KCNAB1: variants seen among roughly 807,000 people sequenced by gnomAD.
KCNAB1 encodes potassium voltage-gated channel subfamily A regulatory beta subunit 1, also known as voltage-gated potassium channel subunit beta-1.
In KCNAB1, 35 loss-of-function variants were observed where a neutral mutation model predicts 64.6. The observed-to-expected ratio is 0.54, with a 90% CI of 0.41 to 0.72. KCNAB1 has a LOEUF of 0.72. KCNAB1 is among the 30% of genes least tolerant of loss of function. The probability of loss-of-function intolerance (pLI) is 0.00; values close to 1 mark genes in which losing one functional copy is unlikely to be tolerated. For missense variants in KCNAB1, 401 were observed against 512.9 expected (o/e 0.78, Z 2.11); for synonymous variants, 177 against 183.8 (o/e 0.96, Z 0.30).
chr3:156,326,184 T>C (rs568731978), intron 1 of KCNAB1, among the ~76,000 whole-genome samples: 1 of 152,186 alleles, frequency 6.6e-6, no homozygotes, highest in South Asian at 2.1e-4. Flanking sequence ...TATTTTTGCC[T>C]TGTTGCATTG....
At chr3:156,329,390 C>A (rs1470292401) in intron 1 of KCNAB1, among the ~76,000 whole-genome samples, 2 of 152,098 alleles carry the variant, frequency 1.3e-5, no homozygotes, top group African/African-American at 4.8e-5. Context: ...GCCTACAATT[C>A]TTCAAGTCCA....
intron 1 of KCNAB1, chr3:156,176,770 CT>C (rs747975092): frequency 9.8e-4 from 876 of 892,564 alleles, no homozygotes; most frequent in Non-Finnish European, 1.5e-3. Context: ...GGAGGTCCTG[CT>C]TGCAGCAAAG....
intron 1 of KCNAB1, among the ~76,000 whole-genome samples, chr3:156,223,609 G>A (rs191066634): frequency 5.3e-4 from 81 of 152,248 alleles, no homozygotes; most frequent in Admixed American, 1.6e-3. Context: ...ACAGAGTGCT[G>A]ATTGGTGTAT....
Position 156,514,289 on chromosome 3 carries a change from G to GA in KCNAB1, c.659-75_659-74insA, listed in dbSNP as rs1559924487. The GA allele has an allele frequency of 2.7e-5, 30 of 1,091,308 alleles. No individual in the cohort carries two copies. In the African/African-American group the frequency reaches 4.5e-4, roughly 16 times the overall value. The allele number at this position is 1,091,308 out of a possible 1,614,324, so 67.6% of individuals were successfully genotyped here. A position where few individuals can be genotyped will look rare whatever the true frequency, so the allele number is the denominator to read the frequency against. ...AATTGCATTAAGCTTCTAAGCTTTG[G>GA]CTAGAGGAGTAAAAATCGCATAACT... On this transcript the variant is annotated intron_variant, in intron 8 of 13. Transcript: ENST00000490337.
chr3:156,432,167 T>C (rs1716262228), intron 2 of KCNAB1, among the ~76,000 whole-genome samples: 1 of 152,188 alleles, frequency 6.6e-6, no homozygotes, highest in South Asian at 2.1e-4. Context: ...CCCCTACTTA[T>C]TTGGCTTATC....
In KCNAB1 at chr3:156,152,978, T is replaced by C. The variant is rs1374362428; in HGVS notation, c.275+32092T>C. Reference sequence around the variant, plus strand: ...TGGCGCACTTATTTGTTTATTTCTGTATTGTCTGTCTCTCTCACTGGAATG... The same window carrying C: ...TGGCGCACTTATTTGTTTATTTCTGCATTGTCTGTCTCTCTCACTGGAATG... On this transcript the variant is annotated intron_variant, in intron 1 of 13. Coordinates refer to ENST00000490337, the MANE Select transcript of KCNAB1 (RefSeq NM_172160.3). 5.3e-5 allele frequency among the ~76,000 whole-genome samples: 8 copies of C among 152,360 alleles called. No individual in the cohort carries two copies. In the East Asian group the frequency reaches 1.5e-3, roughly 29 times the overall value.
intron 1 of KCNAB1, chr3:156,291,302 A>G: frequency 1.0e-6 from 1 of 989,344 alleles, no homozygotes; most frequent in Non-Finnish European, 1.2e-6. Context: ...GTCCTCCCGG[A>G]GCGGAGGCGG....
At chr3:156,432,558 G>A (rs1331524521) in intron 2 of KCNAB1, among the ~76,000 whole-genome samples, 1 of 152,184 alleles carries the variant, frequency 6.6e-6, no homozygotes, top group South Asian at 2.1e-4. Context: ...TATAGGAAAT[G>A]GGTGATGAGG....
intron 1 of KCNAB1, among the ~76,000 whole-genome samples, chr3:156,189,284 ACCTGTT>A (rs1237875717): frequency 6.6e-6 from 1 of 152,184 alleles, no homozygotes; most frequent in Non-Finnish European, 1.5e-5. Flanking sequence ...AGTCCAGCTA[ACCTGTT>A]CCATGATGAG....
intron 1 of KCNAB1, among the ~76,000 whole-genome samples, chr3:156,340,552 C>A (rs1724034137): frequency 6.6e-6 from 1 of 152,182 alleles, no homozygotes; most frequent in Middle Eastern, 3.2e-3. Context: ...GTTTGGGGAC[C>A]ATCACCCATC....
chr3:156,170,211 C>T (rs1052087417), intron 1 of KCNAB1, among the ~76,000 whole-genome samples: 3 of 151,724 alleles, frequency 2.0e-5, no homozygotes, highest in Admixed American at 6.6e-5. Flanking sequence ...GTTTCCCTTC[C>T]CAAGGAATCG....
At chr3:156,410,140 A>T (rs1265005830) in intron 1 of KCNAB1, among the ~76,000 whole-genome samples, 2 of 152,212 alleles carry the variant, frequency 1.3e-5, no homozygotes, top group African/African-American at 4.8e-5. Flanking sequence ...GCTTCAAGAG[A>T]TCTTCAGTTT....
chr3:156,424,229 C>G (rs1230178899), intron 2 of KCNAB1, among the ~76,000 whole-genome samples: 2 of 152,036 alleles, frequency 1.3e-5, no homozygotes, highest in African/African-American at 4.8e-5. Context: ...GAGGGAGTGA[C>G]CAGGGTGGGT....
chr3:156,297,765 TGTGTGTGTGCGCGTGTGCTCGTGTGC>T (rs1720896749), intron 1 of KCNAB1, among the ~76,000 whole-genome samples: 1 of 151,928 alleles, frequency 6.6e-6, no homozygotes, highest in Admixed American at 6.6e-5. Context: ...AGCGCGTGTG[TGTGTGTGTGCGCGTGTGCTCGTGTGC>T]GTGTGTGTGT....
At chr3:156,234,396 AG>A (rs1208294653) in intron 1 of KCNAB1, among the ~76,000 whole-genome samples, 6 of 152,340 alleles carry the variant, frequency 3.9e-5, no homozygotes, top group Middle Eastern at 3.4e-3. Context: ...CAGAGACTTT[AG>A]GAGCCAGAAC....
At chr3:156,247,340 T>C (rs528784620) in intron 1 of KCNAB1, among the ~76,000 whole-genome samples, 1 of 152,266 alleles carries the variant, frequency 6.6e-6, no homozygotes, top group Non-Finnish European at 1.5e-5. Flanking sequence ...ACAAAATAAA[T>C]CACAATGCTA....
chr3:156,123,822 G>A (rs558771732), intron 1 of KCNAB1, among the ~76,000 whole-genome samples: 4 of 152,250 alleles, frequency 2.6e-5, no homozygotes, highest in African/African-American at 9.6e-5. Context: ...TTTAAAAAAA[G>A]TATTGTTTTT....
At chr3:156,421,738 AG>A in intron 2 of KCNAB1, 79 bp downstream of exon 2, 2 of 1,297,662 alleles carry the variant, frequency 1.5e-6, no homozygotes, top group Non-Finnish European at 2.2e-6. Flanking sequence ...ACTGTGGTCT[AG>A]GCCAGGACCT....
intron 1 of KCNAB1, among the ~76,000 whole-genome samples, chr3:156,214,839 C>T (rs1224972642): frequency 2.6e-5 from 4 of 152,124 alleles, no homozygotes; most frequent in Non-Finnish European, 4.4e-5. Flanking sequence ...ATTCTTGTCA[C>T]GAGGGGATAA....
Sources: allele counts gnomAD v4.1 joint callset (sites outside exome capture counted in the v4.1 genomes callset), GRCh38; gene constraint gnomAD v4.1.1; transcripts MANE v1.5; gene names NCBI Gene and HGNC (gene_info 2026-07-23, HGNC 2026-07-21).